WDR93: variants seen among roughly 807,000 people sequenced by gnomAD.
WDR93 encodes WD repeat domain 93, also known as WD repeat-containing protein 93.
Under a neutral mutation model 82.9 loss-of-function variants are expected in WDR93, and 73 were observed. The observed-to-expected ratio is 0.88, with a 90% CI of 0.73 to 1.07. The LOEUF is 1.07. Ranked by LOEUF, WDR93 falls within the 50% of genes least tolerant of loss-of-function variation. The pLI is 0.00. For synonymous variants in WDR93, 283 were observed against 300.1 expected (o/e 0.94, Z 0.59); for missense variants, 738 against 826.0 (o/e 0.89, Z 1.31).
intron 8 of WDR93, among the ~76,000 whole-genome samples, chr15:89,723,461 G>C (rs186169105): frequency 6.6e-6 from 1 of 151,974 alleles, no homozygotes; most frequent in Non-Finnish European, 1.5e-5. Context: ...ACAACCCCCC[G>C]AAAAGGGAAA....
At chr15:89,734,032 CGTGT>C (rs35275444) in intron 13 of WDR93, among the ~76,000 whole-genome samples, 6 of 151,500 alleles carry the variant, frequency 4.0e-5, no homozygotes, top group African/African-American at 1.5e-4. Flanking sequence ...CATGTGTGTA[CGTGT>C]GTGTGTGTAA....
Position 89,701,901 on chromosome 15 carries a change from C to T in WDR93, c.155C>T (p.Ser52Phe). The change falls in exon 2 of 17, where the codon TCC (serine) becomes TTC (phenylalanine). Residue 52 changes from serine (S) to phenylalanine (F), a missense_variant. Physicochemically the swap from Ser to Phe is radical, Grantham distance 155. Transcript: ENST00000268130. ...VLVDPDEELD[S>F]LPQPYRMINK... ...GTGGATCCAGATGAGGAGCTGGATTCCTTGCCTCAGCCTTATCGAATGATC... is the reference window on the plus strand; with the variant it reads ...GTGGATCCAGATGAGGAGCTGGATTTCTTGCCTCAGCCTTATCGAATGATC... The T allele has an allele frequency of 1.2e-6, 2 of 1,614,192 alleles. No individual in the cohort carries two copies. The highest frequency in any genetic ancestry group is 1.7e-6 in the Non-Finnish European group (2 of 1,180,046).
rs1966179687 is a variant in WDR93 at position 89,714,996 on chromosome 15, G to A, written c.657G>A (p.Trp219Ter). The change falls in exon 6 of 17, where the codon TGG becomes TGA. Residue 219 changes from tryptophan (W) to a stop codon, truncating the protein, a stop_gained. Coordinates refer to ENST00000268130, the MANE Select transcript of WDR93 (RefSeq NM_020212.2). LOFTEE classifies it high-confidence loss of function. ...CCAATGCAGGAGCCGGAGATATTTG[G>A]CTGGATGTGTATAAATTGCCCAAGG... Reference protein sequence around the residue: ...AFLLQGAGDIWLDVYKLPKET... With the variant: ...AFLLQGAGDI 1 of 1,613,700 alleles carries A rather than the reference G, an allele frequency of 6.2e-7. No individual in the cohort carries two copies. Among genetic ancestry groups the A allele is most frequent in the Admixed American group, 1.7e-5 (1 of 59,962 alleles).
intron 8 of WDR93, 79 bp from the exon 9 acceptor site, chr15:89,727,078 G>C (rs1479046507): frequency 1.2e-5 from 18 of 1,486,020 alleles, no homozygotes; most frequent in Non-Finnish European, 1.7e-5. Context: ...AGGAAGCTGG[G>C]AAGAGTGGAA....
intron 6 of WDR93, 73 bp downstream of exon 6, chr15:89,715,168 A>G: frequency 7.3e-7 from 1 of 1,372,428 alleles, no homozygotes; most frequent in African/African-American, 1.4e-5. Flanking sequence ...AAGTCCTTGG[A>G]AACTTATGGT....
intron 1 of WDR93, among the ~76,000 whole-genome samples, chr15:89,691,473 C>G (rs1425448443): frequency 6.6e-6 from 1 of 152,220 alleles, no homozygotes; most frequent in Non-Finnish European, 1.5e-5. Context: ...AATCCCAACA[C>G]TTTGGGAGCC....
At position 89,701,701 on chromosome 15, in the gene WDR93, TATC is replaced by T. The variant is rs1965472303; in HGVS notation, c.-40-4_-40-2del. 1 of 1,574,018 alleles carries T rather than the reference TATC, an allele frequency of 6.4e-7. No homozygotes were observed. Among genetic ancestry groups the T allele is most frequent in the Admixed American group, 1.8e-5 (1 of 54,158 alleles). On this transcript the variant is annotated splice_polypyrimidine_tract_variant and splice_region_variant and intron_variant, in intron 1 of 16. Coordinates refer to ENST00000268130, the MANE Select transcript of WDR93 (RefSeq NM_020212.2). ...CCAGAATTCCTTTGTTTACTTCTCT[TATC>T]AGCTTTTCAGTTTCATAGAGGTTCC...
intron 1 of WDR93, among the ~76,000 whole-genome samples, chr15:89,692,000 T>C (rs8023357): frequency 0.64 from 97,617 of 152,068 alleles, 32,059 homozygotes; most frequent in Non-Finnish European, 0.71. Flanking sequence ...AGCTGGAATA[T>C]GGCAGTGTGG....
In WDR93 at chr15:89,720,466, T is replaced by C. The variant is rs551881992; in HGVS notation, c.796-1589T>C. Among the ~76,000 whole-genome samples, 5 of 152,048 alleles carry C rather than the reference T, an allele frequency of 3.3e-5. No homozygotes were observed. The South Asian group carries it at 6.2e-4, about 19-fold the overall frequency. ...TTTTGTATTTTTAGTAGAGATGGGG[T>C]TTCACCATATTGGTCAGGCTGGTCT... On this transcript the variant is annotated intron_variant, in intron 7 of 16. Coordinates refer to ENST00000268130, the MANE Select transcript of WDR93 (RefSeq NM_020212.2).
rs756837459 is a variant in WDR93 at position 89,701,819 on chromosome 15, G to C, written c.73G>C (p.Val25Leu). 6.2e-7 allele frequency: 1 copy of C among 1,614,154 alleles called. No homozygotes were observed. The highest frequency in any genetic ancestry group is 1.1e-5 in the South Asian group (1 of 91,078). Residue 25 changes from valine to leucine, a missense_variant, in exon 2 of 17, where the codon GTG becomes CTG. Coordinates refer to ENST00000268130, the MANE Select transcript of WDR93 (RefSeq NM_020212.2). ...TGGTACACGAAAGGGACCATTGGAGGTGCCACCCCCAACAGAGAAGGACTG... is the reference window on the plus strand; with the variant it reads ...TGGTACACGAAAGGGACCATTGGAGCTGCCACCCCCAACAGAGAAGGACTG... ...PIGTRKGPLE[V>L]PPPTEKDWPK... is the part of the protein sequence containing the mutation.
chr15:89,715,111 G>C lies in WDR93; in HGVS notation c.756+16G>C, dbSNP rs755358279. 6.8e-6 allele frequency: 11 copies of C among 1,607,786 alleles called. No individual in the cohort carries two copies. The highest frequency in any genetic ancestry group is 9.3e-6 in the Non-Finnish European group (11 of 1,176,646). On this transcript the variant is annotated intron_variant, in intron 6 of 16. Transcript: ENST00000268130. Reference sequence around the variant, plus strand: ...GCCGCAACTGGTAGGAAATATCTCTGCTTTCAGCTGATATGTTTCTCCCTA... The same window carrying C: ...GCCGCAACTGGTAGGAAATATCTCTCCTTTCAGCTGATATGTTTCTCCCTA...
intron 14 of WDR93, among the ~76,000 whole-genome samples, chr15:89,736,837 G>C (rs562206998): frequency 6.6e-6 from 1 of 151,430 alleles, no homozygotes; most frequent in South Asian, 2.1e-4. Context: ...TGCCGCCCAG[G>C]CTGGAGTGCA....
In WDR93 at chr15:89,727,131, C is replaced by A. The variant is rs772781355; in HGVS notation, c.881-26C>A. ...GGAAAGGGGGAGTCACATGGCTTGACTAATTCTGTAATATTTTCAACCTAG... is the reference window on the plus strand; with the variant it reads ...GGAAAGGGGGAGTCACATGGCTTGAATAATTCTGTAATATTTTCAACCTAG... On this transcript the variant is annotated intron_variant, in intron 8 of 16. Transcript: ENST00000268130. 3 of 1,608,622 alleles carry A rather than the reference C, an allele frequency of 1.9e-6. No homozygotes were observed. The African/African-American group carries it at 4.0e-5, about 22-fold the overall frequency.
intron 2 of WDR93, 50 bp from the exon 3 acceptor site, chr15:89,702,900 A>G (rs1965539114): frequency 1.6e-5 from 26 of 1,576,154 alleles, no homozygotes; most frequent in Non-Finnish European, 2.2e-5. Flanking sequence ...AACTCATAAT[A>G]TTTGAAGACA....
intron 14 of WDR93, among the ~76,000 whole-genome samples, chr15:89,736,815 G>A (rs1270970470): frequency 6.8e-6 from 1 of 147,784 alleles, no homozygotes; most frequent in Non-Finnish European, 1.5e-5. Flanking sequence ...TTTTTGAAAC[G>A]GAGTCTCGCT....
At chr15:89,709,337 T>C (rs1019381168) in intron 4 of WDR93, among the ~76,000 whole-genome samples, 1 of 152,152 alleles carries the variant, frequency 6.6e-6, no homozygotes, top group Non-Finnish European at 1.5e-5. Context: ...TATTTATTTA[T>C]TTTTTGCCTG....
chr15:89,703,205 A>C (rs757172271), intron 3 of WDR93, 63 bp downstream of exon 3: 1 of 1,583,796 alleles, frequency 6.3e-7, no homozygotes, highest in Non-Finnish European at 8.7e-7. Flanking sequence ...TTGTCAATTT[A>C]ATCTCCTTTT....
Position 89,743,407 on chromosome 15 carries a change from G to A in WDR93, c.*16G>A. ...CAAGAAGTGAGGCTGCCACCGCCCT[G>A]GGATCTCTGAAAAGGAGGTTTCAGC... On this transcript the variant is annotated 3_prime_UTR_variant, in exon 17 of 17. Transcript: ENST00000268130. 2 of 1,613,654 alleles carry A rather than the reference G, an allele frequency of 1.2e-6. No homozygotes were observed. The highest frequency in any genetic ancestry group is 1.7e-6 in the Non-Finnish European group (2 of 1,179,698).
At chr15:89,697,450 A>G (rs911371241) in intron 1 of WDR93, among the ~76,000 whole-genome samples, 12 of 152,272 alleles carry the variant, frequency 7.9e-5, no homozygotes, top group African/African-American at 2.6e-4. Context: ...TGAACCATCG[A>G]AATTTCTGTT....
Sources: gnomAD v4.1 joint callset for allele counts (sites outside exome capture counted in the v4.1 genomes callset) on GRCh38, gnomAD v4.1.1 for gene constraint, MANE v1.5 for transcripts, NCBI Gene and HGNC (gene_info 2026-07-23, HGNC 2026-07-21) for gene names.